The following PHLPP1 variants were observed in gnomAD, a reference collection of about 807,000 sequenced individuals.
PHLPP1 encodes the protein PH domain and leucine rich repeat protein phosphatase 1.
PHLPP1 carries 42 observed loss-of-function variants against 117.2 expected under a neutral mutation model. The observed-to-expected ratio is 0.36, with a 90% CI of 0.28 to 0.46. PHLPP1 has a LOEUF of 0.46. Ranked by LOEUF, PHLPP1 falls within the 20% of genes least tolerant of loss-of-function variation. PHLPP1 has a pLI of 1.00. For missense variants in PHLPP1, 2,084 were observed against 2,241.9 expected (o/e 0.93, Z 1.42); for synonymous variants, 1,042 against 970.7 (o/e 1.07, Z -1.37).
At position 62,945,223 on chromosome 18, in the gene PHLPP1, C is replaced by T. The variant is rs369695849; in HGVS notation, c.3276C>T (p.Ser1092=). 1.9e-6 allele frequency: 3 copies of T among 1,611,224 alleles called. No homozygotes were observed. The African/African-American group carries it at 4.0e-5, about 22-fold the overall frequency. Residue 1092 remains serine, a synonymous_variant, in exon 12 of 17, where the codon TCC becomes TCT. Coordinates refer to ENST00000262719, the MANE Select transcript of PHLPP1 (RefSeq NM_194449.4). ...CRRMHTVIAH[S]NCIEVFPEVM... ...GCATGCACACCGTGATTGCTCACTC[C>T]AACTGCATCGAGGTCTTTCCCGAAG... is the stretch of plus-strand genomic sequence containing the variant.
chr18:62,937,617 A>G (rs1910012583), intron 10 of PHLPP1, among the ~76,000 whole-genome samples: 1 of 152,230 alleles, frequency 6.6e-6, no homozygotes, highest in Non-Finnish European at 1.5e-5. Context: ...ACTAGTTACT[A>G]TTGAGCCATT....
At chr18:62,974,302 A>G (rs759699924) in intron 15 of PHLPP1, among the ~76,000 whole-genome samples, 1 of 152,154 alleles carries the variant, frequency 6.6e-6, no homozygotes, top group African/African-American at 2.4e-5. Context: ...TATTTTCCCT[A>G]TCTGTTAAGA....
chr18:62,941,818 A>G lies in PHLPP1; in HGVS notation c.3061A>G (p.Asn1021Asp), dbSNP rs767339589. Reference protein sequence around the residue: ...NSILQELYLTNNSLTDKCVPL... With the variant: ...NSILQELYLTDNSLTDKCVPL... Reference sequence around the variant, plus strand: ...TATCTTACAAGAGTTGTATTTGACAAATAACAGCCTCACAGACAAATGTGT... The same window carrying G: ...TATCTTACAAGAGTTGTATTTGACAGATAACAGCCTCACAGACAAATGTGT... Residue 1021 changes from asparagine to aspartate, a missense_variant, in exon 11 of 17, where the codon AAT (asparagine) becomes GAT (aspartate). Coordinates refer to ENST00000262719, the MANE Select transcript of PHLPP1 (RefSeq NM_194449.4). 1.7e-5 allele frequency: 27 copies of G among 1,613,906 alleles called. No homozygotes were observed. The South Asian group carries it at 2.6e-4, about 16-fold the overall frequency.
intron 10 of PHLPP1, among the ~76,000 whole-genome samples, chr18:62,939,476 C>G (rs1044342727): frequency 4.6e-5 from 7 of 152,124 alleles, no homozygotes; most frequent in Non-Finnish European, 1.0e-4. Flanking sequence ...TAAAAATACT[C>G]TAAACAGCGA....
chr18:62,844,192 C>T (rs936363783), intron 3 of PHLPP1, among the ~76,000 whole-genome samples: 1 of 152,020 alleles, frequency 6.6e-6, no homozygotes, highest in Non-Finnish European at 1.5e-5. Flanking sequence ...CAAAAATTAG[C>T]TGGGCATGAT....
At chr18:62,921,953 G>A (rs1909481920) in intron 10 of PHLPP1, among the ~76,000 whole-genome samples, 1 of 152,170 alleles carries the variant, frequency 6.6e-6, no homozygotes, top group Non-Finnish European at 1.5e-5. Flanking sequence ...GTGTACTCAT[G>A]TAAGTTATAA....
intron 1 of PHLPP1, among the ~76,000 whole-genome samples, chr18:62,828,546 A>C (rs1471092296): frequency 6.6e-6 from 1 of 152,164 alleles, no homozygotes; most frequent in African/African-American, 2.4e-5. Flanking sequence ...TTATTTTATA[A>C]AACATTTTGA....
At chr18:62,855,119 A>T (rs1915459915) in intron 3 of PHLPP1, among the ~76,000 whole-genome samples, 1 of 152,160 alleles carries the variant, frequency 6.6e-6, no homozygotes, top group Admixed American at 6.5e-5. Flanking sequence ...TAAGCTAAAT[A>T]TTGTATCTTA....
At chr18:62,945,080 T>G (rs1235033119) in intron 11 of PHLPP1, 29 bp from the exon 12 acceptor site, 1 of 1,501,064 alleles carries the variant, frequency 6.7e-7, no homozygotes. Context: ...TTATTTTCTT[T>G]TAAATTGCTT....
intron 4 of PHLPP1, among the ~76,000 whole-genome samples, chr18:62,872,986 CA>C (rs60920082): frequency 3.2e-3 from 178 of 54,812 alleles, no homozygotes; most frequent in South Asian, 0.019. Context: ...AACTCTGCCT[CA>C]AAAAAAAAAA....
intron 1 of PHLPP1, among the ~76,000 whole-genome samples, chr18:62,781,605 G>T (rs538437499): frequency 6.6e-6 from 1 of 152,200 alleles, no homozygotes; most frequent in South Asian, 2.1e-4. Flanking sequence ...CTGGCTCCAT[G>T]TGAAAAACAG....
intron 1 of PHLPP1, among the ~76,000 whole-genome samples, chr18:62,773,892 A>T (rs185505993): frequency 7.9e-4 from 120 of 152,282 alleles, no homozygotes; most frequent in Non-Finnish European, 1.5e-3. Context: ...CCTGGCTTAT[A>T]GTTGGCCATC....
intron 4 of PHLPP1, among the ~76,000 whole-genome samples, chr18:62,891,871 C>T (rs1184018885): frequency 1.8e-5 from 2 of 110,566 alleles, no homozygotes; most frequent in Non-Finnish European, 3.4e-5. Context: ...CCAGCCTTGT[C>T]GATAGAGACC....
At chr18:62,848,796 G>C (rs755891672) in intron 3 of PHLPP1, among the ~76,000 whole-genome samples, 63 of 152,096 alleles carry the variant, frequency 4.1e-4, no homozygotes, top group Non-Finnish European at 7.5e-4. Context: ...AAGATAATAT[G>C]TCTTAGATAT....
intron 2 of PHLPP1, chr18:62,838,216 T>A (rs1914960513): frequency 6.6e-6 from 1 of 152,170 alleles, no homozygotes; most frequent in African/African-American, 2.4e-5. Context: ...AGAAGTTTGT[T>A]ATTAAGTTTC....
intron 12 of PHLPP1, among the ~76,000 whole-genome samples, chr18:62,948,763 C>A (rs1326445096): frequency 6.6e-6 from 1 of 151,784 alleles, no homozygotes; most frequent in East Asian, 1.9e-4. Flanking sequence ...AATGTTTCAT[C>A]CCTGGACAGA....
At chr18:62,830,920 T>G (rs905610544) in intron 2 of PHLPP1, among the ~76,000 whole-genome samples, 1 of 152,162 alleles carries the variant, frequency 6.6e-6, no homozygotes, top group Non-Finnish European at 1.5e-5. Context: ...AGGGTTTGAG[T>G]CTATAGTGCT....
At chr18:62,787,561 A>G (rs1182925334) in intron 1 of PHLPP1, among the ~76,000 whole-genome samples, 1 of 152,134 alleles carries the variant, frequency 6.6e-6, no homozygotes, top group Non-Finnish European at 1.5e-5. Flanking sequence ...TTGAATTTTT[A>G]TTTTAGTTCT....
At chr18:62,853,630 A>G (rs1477796353) in intron 3 of PHLPP1, among the ~76,000 whole-genome samples, 1 of 152,188 alleles carries the variant, frequency 6.6e-6, no homozygotes, top group Non-Finnish European at 1.5e-5. Flanking sequence ...TCGGCCCCAC[A>G]AAGTGCTGGG....
Sources: gnomAD v4.1 joint callset for allele counts (sites outside exome capture counted in the v4.1 genomes callset) on GRCh38, gnomAD v4.1.1 for gene constraint, MANE v1.5 for transcripts, NCBI Gene and HGNC (gene_info 2026-07-23, HGNC 2026-07-21) for gene names.